Variants in CFAP69 observed in about 807,000 individuals in gnomAD.
CFAP69 encodes the protein cilia- and flagella-associated protein 69.
CFAP69 carries 92 observed loss-of-function variants against 123.0 expected under a neutral mutation model. The observed-to-expected ratio is 0.75, with a 90% confidence interval of 0.63 to 0.89. CFAP69 has a LOEUF of 0.89. CFAP69 is among the 40% of genes least tolerant of loss of function. The pLI is 0.00. For missense variants in CFAP69, 1,067 were observed against 1,096.9 expected (o/e 0.97, Z 0.39); for synonymous variants, 380 against 364.3 (o/e 1.04, Z -0.49).
intron 6 of CFAP69, among the ~76,000 whole-genome samples, chr7:90,271,185 G>C (rs1799898086): frequency 6.6e-6 from 1 of 152,062 alleles, no homozygotes; most frequent in Non-Finnish European, 1.5e-5. Context: ...CCAGGGATCA[G>C]CAAACTCTGG....
chr7:90,304,650 GATAGATAGATAGATAGA>G, intron 18 of CFAP69, 77 bp from the exon 19 acceptor site: 2 of 644,430 alleles, frequency 3.1e-6, no homozygotes, highest in South Asian at 3.5e-5. Context: ...TAGGTAGATA[GATAGATAGATAGATAGA>G]TAGATAGATA....
chr7:90,275,824 G>A (rs1698525694), intron 9 of CFAP69, among the ~76,000 whole-genome samples: 1 of 151,760 alleles, frequency 6.6e-6, no homozygotes, highest in Non-Finnish European at 1.5e-5. Context: ...GGATGGTCTC[G>A]ATCTCCTGAC....
chr7:90,247,409 T>C (rs1378931477), intron 1 of CFAP69, among the ~76,000 whole-genome samples: 2 of 152,232 alleles, frequency 1.3e-5, no homozygotes, highest in East Asian at 3.8e-4. Context: ...TATATCCTAG[T>C]GGCTAAAGGT....
chr7:90,307,150 G>T (rs564090868), intron 20 of CFAP69, 52 bp downstream of exon 20: 2 of 1,320,776 alleles, frequency 1.5e-6, no homozygotes, highest in Non-Finnish European at 2.2e-6. Context: ...TGGTTAATGG[G>T]CACAAAAATA....
At chr7:90,283,092 G>C (rs1467757728) in intron 13 of CFAP69, 36 bp downstream of exon 13, 11 of 1,405,382 alleles carry the variant, frequency 7.8e-6, no homozygotes, top group Non-Finnish European at 9.4e-6. Flanking sequence ...GATGAAAGAG[G>C]AATATTTTTA....
intron 13 of CFAP69, among the ~76,000 whole-genome samples, chr7:90,285,193 T>C (rs1028121743): frequency 4.6e-5 from 7 of 152,130 alleles, no homozygotes; most frequent in Non-Finnish European, 8.8e-5. Context: ...TAGGCCCCTC[T>C]GTCCATGGCA....
chr7:90,319,210 G>T, the CFAP69 span: 2 of 390,930 alleles, frequency 5.1e-6, no homozygotes, highest in Non-Finnish European at 9.0e-6. Flanking sequence ...GAGTAAAAAT[G>T]AGAATCAAAA....
At chr7:90,280,480 G>A (rs1789313244) in intron 12 of CFAP69, among the ~76,000 whole-genome samples, 1 of 152,228 alleles carries the variant, frequency 6.6e-6, no homozygotes, top group South Asian at 2.1e-4. Context: ...ACAGGCGTGA[G>A]CCTGAAATGA....
chr7:90,289,966 T>C (rs755972604), intron 15 of CFAP69, among the ~76,000 whole-genome samples: 5 of 152,202 alleles, frequency 3.3e-5, no homozygotes, highest in African/African-American at 4.8e-5. Flanking sequence ...GTTCTACTGG[T>C]CTTTTGTCTA....
chr7:90,309,430 G>T, intron 22 of CFAP69, 63 bp downstream of exon 22: 1 of 883,586 alleles, frequency 1.1e-6, no homozygotes, highest in Non-Finnish European at 1.7e-6. Context: ...TTGAACAACT[G>T]TGCAAATATA....
chr7:90,257,039 G>A (rs1797735571), intron 2 of CFAP69, among the ~76,000 whole-genome samples: 1 of 152,114 alleles, frequency 6.6e-6, no homozygotes, highest in Non-Finnish European at 1.5e-5. Flanking sequence ...CCACTTTTTA[G>A]CTGTGTATTT....
At chr7:90,282,829 A>G (rs1789687560) in intron 12 of CFAP69, 63 bp from the exon 13 acceptor site, 14 of 1,268,244 alleles carry the variant, frequency 1.1e-5, no homozygotes, top group Admixed American at 8.9e-5. Context: ...GATGTATAAG[A>G]TATCTGATAT....
chr7:90,314,639 T>G, downstream of CFAP69, among the ~76,000 whole-genome samples: 1 of 150,920 alleles, frequency 6.6e-6, no homozygotes, highest in Admixed American at 6.6e-5. Context: ...AAAAAAATGA[T>G]GAGAGGTATA....
At chr7:90,275,827 C>T (rs113184274) in intron 9 of CFAP69, among the ~76,000 whole-genome samples, 93 of 152,158 alleles carry the variant, frequency 6.1e-4, no homozygotes, top group African/African-American at 2.1e-3. Context: ...TGGTCTCGAT[C>T]TCCTGACCTC....
chr7:90,319,126 C>A, the CFAP69 span: 6 of 337,872 alleles, frequency 1.8e-5, no homozygotes, highest in Non-Finnish European at 2.1e-5. Flanking sequence ...TAATTATCTA[C>A]CAAAGTGTAT....
At chr7:90,304,354 G>A (rs1793237588) in intron 18 of CFAP69, 15 of 1,251,392 alleles carry the variant, frequency 1.2e-5, no homozygotes, top group Non-Finnish European at 1.0e-5. Flanking sequence ...TAGGATTAAG[G>A]ACAGTTAGTT....
Position 90,297,841 on chromosome 7 carries a change from C to T in CFAP69, c.1857+11C>T. On this transcript the variant is annotated intron_variant, in intron 16 of 22. Coordinates refer to ENST00000389297, the MANE Select transcript of CFAP69 (RefSeq NM_001039706.3). ...TTGGATTTGTTAGCAGTAAGTATGG[C>T]TATAACAATCATAAGACAAAAGACA... 6.5e-7 allele frequency: 1 copy of T among 1,534,020 alleles called. No homozygotes were observed. Among genetic ancestry groups the T allele is most frequent in the Non-Finnish European group, 8.8e-7 (1 of 1,136,440 alleles).
the CFAP69 span, chr7:90,318,098 A>G: frequency 6.6e-6 from 1 of 152,202 alleles, no homozygotes; most frequent in Non-Finnish European, 1.5e-5. Context: ...TATCAAAGGT[A>G]TAGGCTTTTA....
At chr7:90,319,791 A>G in the CFAP69 span, 1 of 398,360 alleles carries the variant, frequency 2.5e-6, no homozygotes, top group Non-Finnish European at 4.4e-6. Flanking sequence ...TATTTAACTT[A>G]AAAAAGTTAT....
Sources: gnomAD v4.1 joint callset for allele counts (sites outside exome capture counted in the v4.1 genomes callset) on GRCh38, gnomAD v4.1.1 for gene constraint, MANE v1.5 for transcripts, NCBI Gene and HGNC (gene_info 2026-07-23, HGNC 2026-07-21) for gene names.